The following EZH1 variants were observed in gnomAD, a reference collection of about 807,000 sequenced individuals.
The protein encoded by EZH1 is enhancer of zeste 1 polycomb repressive complex 2 subunit.
A neutral mutation model predicts 100.5 loss-of-function variants in EZH1; 33 were observed. The ratio of observed to expected loss-of-function variants is 0.33; its 90% CI spans 0.25 to 0.44. EZH1 has a LOEUF of 0.44. Ranked by LOEUF, EZH1 falls within the 20% of genes least tolerant of loss-of-function variation. EZH1 has a pLI of 1.00. For missense variants in EZH1, 475 were observed against 928.4 expected (o/e 0.51, Z 6.35); for synonymous variants, 272 against 313.8 (o/e 0.87, Z 1.41).
intron 10 of EZH1, among the ~76,000 whole-genome samples, chr17:42,715,110 ATAT>A (rs1315679939): frequency 2.9e-5 from 4 of 139,700 alleles, no homozygotes; most frequent in African/African-American, 1.1e-4. Flanking sequence ...ATGTATTTAT[ATAT>A]TATATATAAT....
intron 1 of EZH1, among the ~76,000 whole-genome samples, chr17:42,734,209 T>G (rs2054018177): frequency 6.6e-6 from 1 of 151,740 alleles, no homozygotes; most frequent in Admixed American, 6.6e-5. Flanking sequence ...CCGGCCAATT[T>G]TTGTATTTTT....
In EZH1 at chr17:42,718,554, G is replaced by A. The variant is rs144940655; in HGVS notation, c.831C>T (p.Ile277=). ...GCACAGACTTGGCATTGGGGCCATC[G>A]ATGTTGGGTGTGCACTGAGGGGGAA... ...NALPPQCTPN[I]DGPNAKSVQR... Residue 277 remains isoleucine, a synonymous_variant, in exon 9 of 21, where the codon ATC becomes ATT. Transcript: ENST00000428826. This position sits in a 1 kb window ranked among gnomAD's most constrained non-coding sequence, Gnocchi z 4.2. The A allele has an allele frequency of 1.6e-5, 26 of 1,614,074 alleles. No homozygotes were observed. Among genetic ancestry groups the A allele is most frequent in the Non-Finnish European group, 1.9e-5 (23 of 1,180,036 alleles).
chr17:42,722,955 C>T, intron 5 of EZH1, 40 bp from the exon 6 acceptor site: 1 of 1,600,714 alleles, frequency 6.2e-7, no homozygotes, highest in South Asian at 1.1e-5. Flanking sequence ...ATGAAGCCAT[C>T]ATGCATCTGC....
chr17:42,721,987 T>TA (rs1002604112), intron 6 of EZH1, among the ~76,000 whole-genome samples: 20 of 151,440 alleles, frequency 1.3e-4, no homozygotes, highest in African/African-American at 3.9e-4. Context: ...CCATCCCTAC[T>TA]AAAAATACAA....
intron 10 of EZH1, among the ~76,000 whole-genome samples, chr17:42,717,271 C>T (rs910867879): frequency 6.6e-6 from 1 of 152,178 alleles, no homozygotes; most frequent in African/African-American, 2.4e-5. Context: ...TACAGTACGG[C>T]CCATTTTCCA....
chr17:42,738,755 A>ATAT (rs1555651877), intron 1 of EZH1, among the ~76,000 whole-genome samples: 21 of 91,214 alleles, frequency 2.3e-4, no homozygotes, highest in African/African-American at 8.2e-4. Flanking sequence ...CCTGGCCTAG[A>ATAT]TTTTTTTTTT....
At chr17:42,728,172 G>A (rs113727759) in intron 3 of EZH1, among the ~76,000 whole-genome samples, 11 of 141,992 alleles carry the variant, frequency 7.7e-5, no homozygotes, top group African/African-American at 2.9e-4. Flanking sequence ...GGAGTGCAGT[G>A]GTGCCATCTC....
Position 42,722,726 on chromosome 17 carries a change from A to G in EZH1, c.487+69T>C, listed in dbSNP as rs540402679. 226 of 1,520,654 alleles carry G rather than the reference A, an allele frequency of 1.5e-4. 1 individual carries two copies. In the Admixed American group the frequency reaches 1.6e-3, roughly 11 times the overall value. 94.2% of individuals were successfully genotyped at this position (1,520,654 alleles called of 1,614,324 possible). On this transcript the variant is annotated intron_variant, in intron 6 of 20. Transcript: ENST00000428826. ...GGCAGAAGATAAAAGCAAGATGGCA[A>G]GATGATGAGGTACCAAAGAAGAGGC...
chr17:42,717,941 G>C lies in EZH1; in HGVS notation c.1023+35C>G, dbSNP rs1555648401. The C allele has an allele frequency of 2.5e-6, 4 of 1,592,528 alleles. No individual in the cohort carries two copies. In the East Asian group the frequency reaches 8.9e-5, roughly 36 times the overall value. On this transcript the variant is annotated intron_variant, in intron 10 of 20. Transcript: ENST00000428826. ...CTCACGTGGCTTGTGTTCCCAGAATGAAGTTAATAATGCCAGAACAGCTTA... is the reference window on the plus strand; with the variant it reads ...CTCACGTGGCTTGTGTTCCCAGAATCAAGTTAATAATGCCAGAACAGCTTA...
chr17:42,726,183 CTTTTTTT>C (rs1374975364), intron 4 of EZH1, among the ~76,000 whole-genome samples: 5 of 96,830 alleles, frequency 5.2e-5, no homozygotes, highest in African/African-American at 2.0e-4. Flanking sequence ...CCAGCTTCTG[CTTTTTTT>C]TTTTTTTTTT....
chr17:42,714,436 G>T, intron 10 of EZH1: 1 of 337,228 alleles, frequency 3.0e-6, no homozygotes, highest in South Asian at 2.9e-5. Context: ...TCTGCATGTG[G>T]CGTGTGCCCA....
intron 1 of EZH1, among the ~76,000 whole-genome samples, chr17:42,741,184 G>A (rs962881359): frequency 2.0e-5 from 3 of 152,182 alleles, no homozygotes; most frequent in Non-Finnish European, 4.4e-5. Flanking sequence ...AATCTTTTCT[G>A]GGACGCTACT....
At chr17:42,721,686 A>G (rs2053708703) in intron 6 of EZH1, among the ~76,000 whole-genome samples, 3 of 151,936 alleles carry the variant, frequency 2.0e-5, no homozygotes, top group African/African-American at 7.2e-5. Flanking sequence ...TAATAAAAAA[A>G]AAAAAGAAAG....
intron 12 of EZH1, among the ~76,000 whole-genome samples, chr17:42,711,777 C>G (rs1353765312): frequency 1.3e-5 from 2 of 152,162 alleles, no homozygotes; most frequent in African/African-American, 4.8e-5. Context: ...TGCCACTGCA[C>G]TCCAGCCTGG....
chr17:42,738,958 A>G (rs1329136847), intron 1 of EZH1, among the ~76,000 whole-genome samples: 2 of 147,450 alleles, frequency 1.4e-5, no homozygotes, highest in Non-Finnish European at 3.0e-5. Context: ...GGGTTTCACC[A>G]TGTTGGCCAG....
chr17:42,725,986 C>G (rs1300986387), intron 4 of EZH1, among the ~76,000 whole-genome samples: 2 of 151,992 alleles, frequency 1.3e-5, no homozygotes, highest in Non-Finnish European at 2.9e-5. Flanking sequence ...TCAAGCAATT[C>G]TCCTGCCTCA....
rs1012756785 is a variant in EZH1 at position 42,735,982 on chromosome 17, CA to C, written c.-102-5065del. Among the ~76,000 whole-genome samples the C allele has an allele frequency of 5.7e-3, 802 of 141,038 alleles. 8 individuals are homozygous for C. Among genetic ancestry groups the C allele is most frequent in the African/African-American group, 0.019 (719 of 38,688 alleles). The allele number at this position is 141,038 out of a possible 152,430, so 92.5% of individuals were successfully genotyped here. Reference sequence around the variant, plus strand: ...CCTGGGAGACAGCGAGACTCCGTCTCAAAAAAAAAAAGAGCAGAAATTTGAA... The same window carrying C: ...CCTGGGAGACAGCGAGACTCCGTCTCAAAAAAAAAAGAGCAGAAATTTGAA... On this transcript the variant is annotated intron_variant, in intron 1 of 20. Transcript: ENST00000428826.
chr17:42,740,472 G>C (rs2054156221), intron 1 of EZH1, among the ~76,000 whole-genome samples: 1 of 152,150 alleles, frequency 6.6e-6, no homozygotes, highest in South Asian at 2.1e-4. Context: ...TCTTGACCTT[G>C]TGATCCACCC....
intron 4 of EZH1, among the ~76,000 whole-genome samples, chr17:42,726,212 T>TC (rs2053817358): frequency 8.1e-6 from 1 of 122,970 alleles, no homozygotes; most frequent in Non-Finnish European, 1.7e-5. Flanking sequence ...AGAGACAGTC[T>TC]CTTTTTTTTT....
Sources: gnomAD v4.1 joint callset for allele counts (sites outside exome capture counted in the v4.1 genomes callset) on GRCh38, gnomAD v4.1.1 for gene constraint, Gnocchi (gnomAD v3.1) non-coding constraint, MANE v1.5 for transcripts, NCBI Gene and HGNC (gene_info 2026-07-23, HGNC 2026-07-21) for gene names.